The following EPHA1 variants were observed in gnomAD, a reference collection of about 807,000 sequenced individuals.
The protein encoded by EPHA1 is ephrin type-A receptor 1.
In EPHA1, 92 loss-of-function variants were observed where a neutral mutation model predicts 110.1. The observed-to-expected ratio is 0.84, with a 90% CI of 0.71 to 0.99. The LOEUF is 0.99. Among genes scored for constraint, EPHA1 ranks in the 50% least tolerant of loss-of-function variants. The pLI, the probability that EPHA1 is intolerant of heterozygous loss-of-function variation, is 0.00. For missense variants in EPHA1, 1,204 were observed against 1,285.4 expected (o/e 0.94, Z 0.97); for synonymous variants, 500 against 516.1 (o/e 0.97, Z 0.42).
At chr7:143,406,017 G>T (rs551883326) in intron 2 of EPHA1, among the ~76,000 whole-genome samples, 17 of 152,336 alleles carry the variant, frequency 1.1e-4, no homozygotes, top group Non-Finnish European at 2.1e-4. Context: ...GGCAGAAAGG[G>T]TGCTGTGAAT....
At chr7:143,403,322 G>T (rs1462771372) in intron 2 of EPHA1, among the ~76,000 whole-genome samples, 1 of 152,182 alleles carries the variant, frequency 6.6e-6, no homozygotes, top group Non-Finnish European at 1.5e-5. Context: ...AGTGAGCCAA[G>T]ATCTCGCCAC....
Position 143,393,753 on chromosome 7 carries a change from G to A in EPHA1, c.2614C>T (p.His872Tyr). 6.2e-7 allele frequency: 1 copy of A among 1,613,800 alleles called. No homozygotes were observed. The highest frequency in any genetic ancestry group is 8.5e-7 in the Non-Finnish European group (1 of 1,179,882). The change falls in exon 16 of 18, where the codon CAC (histidine) becomes TAC (tyrosine). Residue 872 changes from histidine to tyrosine, a missense_variant. Physicochemically the swap from His to Tyr is moderately conservative, Grantham distance 83. Transcript: ENST00000275815. The surrounding 1 kb of genome is among the most constrained non-coding windows in gnomAD (Gnocchi z 5.6). ...AGATGTGCCTGAAGCTTCTGGAAGT[G>A]TGGCCGGCGGGCACGGTCATATGCC... is the stretch of plus-strand genomic sequence containing the variant. The part of the protein sequence containing the change: ...CWAYDRARRP[H>Y]FQKLQAHLEQ...
Position 143,395,579 on chromosome 7 carries a change from G to C in EPHA1, c.1898-75C>G. On this transcript the variant is annotated intron_variant, in intron 11 of 17. Coordinates refer to ENST00000275815, the MANE Select transcript of EPHA1 (RefSeq NM_005232.5). This position sits in a 1 kb window ranked among gnomAD's most constrained non-coding sequence, Gnocchi z 4.7. ...CAGGGGACAGGCAGCAACCCCTCCA[G>C]TCCTCCGGCCCTTTTCTTTTCTGGA... 1 of 1,477,550 alleles carries C rather than the reference G, an allele frequency of 6.8e-7. No homozygotes were observed. Among genetic ancestry groups the C allele is most frequent in the South Asian group, 1.2e-5 (1 of 84,874 alleles). The allele number at this position is 1,477,550 out of a possible 1,614,324, so 91.5% of individuals were successfully genotyped here.
intron 1 of EPHA1, 136 bp downstream of exon 1, chr7:143,408,588 G>C (rs1805621574): frequency 1.1e-5 from 4 of 374,978 alleles, no homozygotes; most frequent in Non-Finnish European, 1.9e-5. Context: ...CCTGGCGGTC[G>C]GGCACAGCGA....
In EPHA1 at chr7:143,408,730, T is replaced by A. The variant is rs1273047972; in HGVS notation, c.76A>T (p.Lys26Ter). The change falls in exon 1 of 18, where the codon AAG becomes TAG. Residue 26 changes from lysine to a stop codon, truncating the protein, a stop_gained. Coordinates refer to ENST00000275815, the MANE Select transcript of EPHA1 (RefSeq NM_005232.5). LOFTEE classifies it high-confidence loss of function. Reference protein sequence around the residue: ...CAPLPPGARAKEVTLMDTSKA... With the variant: ...CAPLPPGARA ...CGGGGGCGGGGGTCGGTACCTTCCT[T>A]GGCGCGCGCCCCCGGGGGCAGCGGG... The A allele has an allele frequency of 1.1e-6, 1 of 900,150 alleles. No homozygotes were observed. Among genetic ancestry groups the A allele is most frequent in the Non-Finnish European group, 1.4e-6 (1 of 691,650 alleles). The allele number at this position is 900,150 out of a possible 1,614,324, so 55.8% of individuals were successfully genotyped here.
chr7:143,405,577 G>A (rs1805528157), intron 2 of EPHA1, among the ~76,000 whole-genome samples: 1 of 152,128 alleles, frequency 6.6e-6, no homozygotes, highest in Non-Finnish European at 1.5e-5. Flanking sequence ...TGAGAAAGTG[G>A]CCTTGCTGCC....
Position 143,394,867 on chromosome 7 carries a change from C to T in EPHA1, c.2293G>A (p.Val765Met). Reference protein sequence around the residue: ...ILVNQNLCCKVSDFGLTRLLD... With the variant: ...ILVNQNLCCKMSDFGLTRLLD... ...AGGCGAGTCAGGCCAAAGTCAGACA[C>T]CTTGCAGCACAGGTTTTGATTCACC... Residue 765 changes from valine to methionine, a missense_variant, in exon 14 of 18, where the codon GTG becomes ATG. Coordinates refer to ENST00000275815, the MANE Select transcript of EPHA1 (RefSeq NM_005232.5). The T allele has an allele frequency of 4.3e-6, 7 of 1,614,140 alleles. No homozygotes were observed. The highest frequency in any genetic ancestry group is 5.9e-6 in the Non-Finnish European group (7 of 1,180,024).
intron 2 of EPHA1, among the ~76,000 whole-genome samples, chr7:143,407,223 T>C (rs994427256): frequency 3.3e-5 from 5 of 152,138 alleles, no homozygotes; most frequent in African/African-American, 1.2e-4. Context: ...TTGGGATGAA[T>C]GGATCTCAGA....
Position 143,391,612 on chromosome 7 carries a change from C to G in EPHA1, c.2852+8G>C. On this transcript the variant is annotated splice_region_variant and intron_variant, in intron 17 of 17. Transcript: ENST00000275815. ...CCCTCCCCTGCCCAGACAGCTCCAG[C>G]TCCTTACTCAGCGGTCAGCTCCAGC... is the stretch of plus-strand genomic sequence containing the variant. 1 of 1,614,190 alleles carries G rather than the reference C, an allele frequency of 6.2e-7. No homozygotes were observed. The highest frequency in any genetic ancestry group is 8.5e-7 in the Non-Finnish European group (1 of 1,180,028).
At position 143,399,293 on chromosome 7, in the gene EPHA1, C is replaced by G; in HGVS notation, c.956G>C (p.Arg319Thr). The G allele has an allele frequency of 1.2e-6, 2 of 1,612,146 alleles. No individual in the cohort carries two copies. The highest frequency in any genetic ancestry group is 1.7e-6 in the Non-Finnish European group (2 of 1,179,882). ...TICTCESGHY[R>T]APGEGPQVAC... Reference sequence around the variant, plus strand: ...CACCTGGGGGCCCTCCCCGGGAGCTCTGTAATGGCCGCTCTCACAGGTACA... The same window carrying G: ...CACCTGGGGGCCCTCCCCGGGAGCTGTGTAATGGCCGCTCTCACAGGTACA... Residue 319 changes from arginine to threonine, a missense_variant, in exon 5 of 18, where the codon AGA becomes ACA. By Grantham distance (71) the Arg-to-Thr change is moderately conservative. Transcript: ENST00000275815.
Position 143,398,962 on chromosome 7 carries a change from G to A in EPHA1, c.992-17C>T, listed in dbSNP as rs1272667164. On this transcript the variant is annotated splice_polypyrimidine_tract_variant and intron_variant, in intron 5 of 17. Transcript: ENST00000275815. ...AGGGGGGACCTGTGGGAGAAGAGGA[G>A]CCATCAGTAGAAGCCGACCTCGCTG... is the stretch of plus-strand genomic sequence containing the variant. The A allele has an allele frequency of 3.8e-6, 6 of 1,572,074 alleles. No individual in the cohort carries two copies. The East Asian group carries it at 9.2e-5, about 24-fold the overall frequency.
chr7:143,393,995 C>T lies in EPHA1; in HGVS notation c.2503-131G>A, dbSNP rs887181976. On this transcript the variant is annotated intron_variant, in intron 15 of 17. Transcript: ENST00000275815. This position sits in a 1 kb window ranked among gnomAD's most constrained non-coding sequence, Gnocchi z 5.6. ...AGGAGGTGGGAGGACCAGGGTGGGA[C>T]GATCACAGTGGGAGGATCAGGGTGG... 1.0e-5 allele frequency: 13 copies of T among 1,256,790 alleles called. No homozygotes were observed. The highest frequency in any genetic ancestry group is 6.1e-5 in the South Asian group (4 of 65,350). 77.9% of individuals were successfully genotyped at this position (1,256,790 alleles called of 1,614,324 possible). A position where few individuals can be genotyped will look rare whatever the true frequency, so the allele number is the denominator to read the frequency against.
intron 2 of EPHA1, among the ~76,000 whole-genome samples, chr7:143,402,116 A>ATTTTTTTTT: frequency 6.8e-6 from 1 of 146,258 alleles, no homozygotes; most frequent in Non-Finnish European, 1.5e-5. Flanking sequence ...TTTGGTAGAG[A>ATTTTTTTTT]TGAGTTCTTG....
chr7:143,408,738 G>A lies in EPHA1; in HGVS notation c.68C>T (p.Ala23Val). 1 of 982,080 alleles carries A rather than the reference G, an allele frequency of 1.0e-6. No individual in the cohort carries two copies. Among genetic ancestry groups the A allele is most frequent in the Non-Finnish European group, 1.3e-6 (1 of 762,496 alleles). 60.8% of individuals were successfully genotyped at this position (982,080 alleles called of 1,614,324 possible). A position where few individuals can be genotyped will look rare whatever the true frequency, so the allele number is the denominator to read the frequency against. Residue 23 changes from alanine (A) to valine (V), a missense_variant, in exon 1 of 18, where the codon GCG becomes GTG. Transcript: ENST00000275815. The stretch of plus-strand genomic sequence containing the variant: ...GGGGTCGGTACCTTCCTTGGCGCGC[G>A]CCCCCGGGGGCAGCGGGGCGCAGAG... ...LLLCAPLPPG[A>V]RAKEVTLMDT...
At chr7:143,403,156 C>G (rs1805465095) in intron 2 of EPHA1, among the ~76,000 whole-genome samples, 1 of 152,194 alleles carries the variant, frequency 6.6e-6, no homozygotes, top group Non-Finnish European at 1.5e-5. Context: ...TCCCTGAGGT[C>G]AGGAGTTCGA....
intron 2 of EPHA1, among the ~76,000 whole-genome samples, chr7:143,403,439 T>C (rs537895835): frequency 7.5e-4 from 114 of 152,028 alleles, no homozygotes; most frequent in African/African-American, 2.6e-3. Flanking sequence ...TTTAAAGCAA[T>C]CCATAAGTAA....
rs972897874 is a variant in EPHA1 at position 143,401,407 on chromosome 7, C to G, written c.349G>C (p.Gly117Arg). ...KSFPGGAGPLGCKETFNLLYM... is the reference protein window; with the variant it reads ...KSFPGGAGPLRCKETFNLLYM... ...AGAAGGTTGAAGGTCTCCTTGCAGC[C>G]CAGAGGCCCGGCTCCCCCAGGGAAA... Residue 117 changes from glycine to arginine, a missense_variant, in exon 3 of 18, where the codon GGC becomes CGC. Gly to Arg is a moderately radical substitution (Grantham distance 125). Transcript: ENST00000275815. The surrounding 1 kb of genome is among the most constrained non-coding windows in gnomAD (Gnocchi z 4.1). 1.9e-6 allele frequency: 3 copies of G among 1,614,002 alleles called. No individual in the cohort carries two copies. The highest frequency in any genetic ancestry group is 8.5e-7 in the Non-Finnish European group (1 of 1,180,050).
rs184133570 is a variant in EPHA1, at chr7:143,392,668, G to A, written c.2697-893C>T. Among the ~76,000 whole-genome samples, 39 of 152,226 alleles carry A rather than the reference G, an allele frequency of 2.6e-4. No homozygotes were observed. The East Asian group carries it at 6.8e-3, about 26-fold the overall frequency. On this transcript the variant is annotated intron_variant, in intron 16 of 17. Transcript: ENST00000275815. ...TTTAAGAATTGGTTCTCCAGGCCAG[G>A]CGAGGTGGCCCACGCCTGTAATCCC... is the stretch of plus-strand genomic sequence containing the variant.
chr7:143,401,064 T>G lies in EPHA1; in HGVS notation c.432+260A>C. On this transcript the variant is annotated intron_variant, in intron 3 of 17. Transcript: ENST00000275815. This position sits in a 1 kb window ranked among gnomAD's most constrained non-coding sequence, Gnocchi z 4.1. ...ATGGGCCACCATGCCCAGGTGATTT[T>G]TAATTTTTTGCAGAGATGAAGTTTT... 2.0e-6 allele frequency: 1 copy of G among 512,556 alleles called. No homozygotes were observed. Among genetic ancestry groups the G allele is most frequent in the East Asian group, 3.6e-5 (1 of 28,018 alleles). The allele number at this position is 512,556 out of a possible 1,614,324, so 31.8% of individuals were successfully genotyped here.
Sources: allele counts gnomAD v4.1 joint callset (sites outside exome capture counted in the v4.1 genomes callset), GRCh38; gene constraint gnomAD v4.1.1; non-coding constraint Gnocchi (gnomAD v3.1); transcripts MANE v1.5; gene names NCBI Gene and HGNC (gene_info 2026-07-23, HGNC 2026-07-21).